The following KCNIP4 variants were observed in gnomAD, a reference collection of about 807,000 sequenced individuals.
KCNIP4 encodes potassium voltage-gated channel interacting protein 4.
A neutral mutation model predicts 34.0 loss-of-function variants in KCNIP4; 12 were observed. The observed-to-expected ratio is 0.35, with a 90% confidence interval of 0.23 to 0.57. The LOEUF (loss-of-function observed/expected upper bound fraction) is 0.57. Ranked by LOEUF, KCNIP4 falls within the 20% of genes least tolerant of loss-of-function variation. The pLI, the probability that KCNIP4 is intolerant of heterozygous loss-of-function variation, is 0.83. For missense variants in KCNIP4, 238 were observed against 311.7 expected (o/e 0.76, Z 1.78); for synonymous variants, 124 against 102.2 (o/e 1.21, Z -1.29).
At chr4:21,897,598 A>G (rs1171866740) in intron 1 of KCNIP4, among the ~76,000 whole-genome samples, 1 of 152,190 alleles carries the variant, frequency 6.6e-6, no homozygotes, top group East Asian at 1.9e-4. Flanking sequence ...GGGCAAGAAA[A>G]CTTTAAAAAA....
In KCNIP4 at chr4:20,998,140, G is replaced by T. The variant is rs112442553; in HGVS notation, c.62-115431C>A. 7.9e-5 allele frequency among the ~76,000 whole-genome samples: 12 copies of T among 152,268 alleles called. 2 individuals are homozygous for T. The highest frequency in any genetic ancestry group is 2.6e-4 in the African/African-American group (11 of 41,578). On this transcript the variant is annotated intron_variant, in intron 1 of 8. Transcript: ENST00000382152. ...GGAAGAGAGATAGAAAGAGAAAAGA[G>T]CAAATAATCAACCTTCCAGAAGAAA...
chr4:21,631,024 T>C (rs1745729192), intron 1 of KCNIP4, among the ~76,000 whole-genome samples: 1 of 152,186 alleles, frequency 6.6e-6, no homozygotes, highest in African/African-American at 2.4e-5. Flanking sequence ...ACTTTCTACA[T>C]AGTGTTATTC....
chr4:20,968,627 G>T (rs971886243), intron 1 of KCNIP4, among the ~76,000 whole-genome samples: 4 of 152,058 alleles, frequency 2.6e-5, no homozygotes, highest in Admixed American at 6.6e-5. Context: ...GTCCTTTGCA[G>T]GGACATGGAT....
At chr4:21,071,863 A>T (rs1464547885) in intron 1 of KCNIP4, among the ~76,000 whole-genome samples, 1 of 152,028 alleles carries the variant, frequency 6.6e-6, no homozygotes, top group East Asian at 1.9e-4. Flanking sequence ...TCATTGTTCA[A>T]TTCCCATCTA....
At chr4:21,000,071 G>T (rs951021649) in intron 1 of KCNIP4, among the ~76,000 whole-genome samples, 3 of 152,146 alleles carry the variant, frequency 2.0e-5, no homozygotes, top group African/African-American at 7.2e-5. Flanking sequence ...CTGCAGTGTA[G>T]ACCCTTCCTA....
At chr4:21,852,268 T>G (rs1030192153) in intron 1 of KCNIP4, 1 of 152,138 alleles carries the variant, frequency 6.6e-6, no homozygotes, top group Non-Finnish European at 1.5e-5. Context: ...GAATGCTTTT[T>G]ATAAGCTTTG....
intron 1 of KCNIP4, among the ~76,000 whole-genome samples, chr4:21,913,657 C>T (rs1728467434): frequency 6.6e-6 from 1 of 152,136 alleles, no homozygotes; most frequent in Admixed American, 6.5e-5. Flanking sequence ...AAAATCCTTG[C>T]TATGACAAAG....
intron 1 of KCNIP4, among the ~76,000 whole-genome samples, chr4:20,885,853 G>A (rs1363989876): frequency 6.6e-6 from 1 of 152,066 alleles, no homozygotes; most frequent in Non-Finnish European, 1.5e-5. Flanking sequence ...CTTTTCACAT[G>A]CTATTATCTG....
rs577645312 is a variant in KCNIP4 at position 21,346,084 on chromosome 4, G to A, written c.62-463375C>T. ...CGGGCAGTGTAATATATATATTTAAGATATTTAAGATATCTTAAATATATA... is the reference window on the plus strand; with the variant it reads ...CGGGCAGTGTAATATATATATTTAAAATATTTAAGATATCTTAAATATATA... On this transcript the variant is annotated intron_variant, in intron 1 of 8. Transcript: ENST00000382152. 3.6e-3 allele frequency among the ~76,000 whole-genome samples: 445 copies of A among 122,538 alleles called. 9 individuals carry two copies. The highest frequency in any genetic ancestry group is 0.013 in the African/African-American group (412 of 32,614). 80.4% of individuals were successfully genotyped at this position (122,538 alleles called of 152,430 possible).
At chr4:21,424,177 A>G (rs1362305858) in intron 1 of KCNIP4, among the ~76,000 whole-genome samples, 1 of 151,986 alleles carries the variant, frequency 6.6e-6, no homozygotes, top group Non-Finnish European at 1.5e-5. Flanking sequence ...GAGGATGGGT[A>G]AAGGGATGCA....
At chr4:21,207,221 G>A (rs1397625264) in intron 1 of KCNIP4, among the ~76,000 whole-genome samples, 1 of 152,080 alleles carries the variant, frequency 6.6e-6, no homozygotes, top group Non-Finnish European at 1.5e-5. Context: ...TTAGAAAAAG[G>A]ATATTTTAAA....
intron 1 of KCNIP4, among the ~76,000 whole-genome samples, chr4:21,207,156 T>C (rs992512103): frequency 6.6e-6 from 1 of 152,150 alleles, no homozygotes; most frequent in Non-Finnish European, 1.5e-5. Flanking sequence ...GAATTCTCTG[T>C]GTTTCTGAAT....
At chr4:20,968,606 G>T (rs1285141531) in intron 1 of KCNIP4, among the ~76,000 whole-genome samples, 1 of 152,078 alleles carries the variant, frequency 6.6e-6, no homozygotes, top group Non-Finnish European at 1.5e-5. Context: ...CATAAAAAAG[G>T]ATGAGTTCAT....
chr4:20,736,054 T>C (rs567716567), intron 5 of KCNIP4, among the ~76,000 whole-genome samples: 3 of 152,326 alleles, frequency 2.0e-5, no homozygotes, highest in East Asian at 3.9e-4. Flanking sequence ...AACATCCATA[T>C]AGTTCAACAT....
intron 1 of KCNIP4, among the ~76,000 whole-genome samples, chr4:21,234,433 T>C (rs1215241878): frequency 7.6e-6 from 1 of 131,126 alleles, no homozygotes; most frequent in Non-Finnish European, 1.5e-5. Context: ...ATATTACATA[T>C]AACGTATATA....
At chr4:21,886,676 G>C (rs1296455424) in intron 1 of KCNIP4, among the ~76,000 whole-genome samples, 1 of 152,088 alleles carries the variant, frequency 6.6e-6, no homozygotes, top group South Asian at 2.1e-4. Context: ...CTTACCAAGA[G>C]ATGTGACATT....
intron 1 of KCNIP4, among the ~76,000 whole-genome samples, chr4:21,840,512 A>G (rs1434913387): frequency 2.6e-5 from 4 of 152,132 alleles, no homozygotes; most frequent in Non-Finnish European, 5.9e-5. Context: ...ATGGCTCAAG[A>G]TGGTGCACAT....
chr4:21,472,837 C>T (rs774091709), intron 1 of KCNIP4, among the ~76,000 whole-genome samples: 1 of 152,116 alleles, frequency 6.6e-6, no homozygotes, highest in Non-Finnish European at 1.5e-5. Context: ...TTAAAAATCC[C>T]TATATTCTAA....
In KCNIP4 at chr4:20,912,946, C is replaced by A. The variant is rs547932935; in HGVS notation, c.62-30237G>T. ...CTGCTGGTGAGAATGGAAAATGGTG[C>A]GGCCTTTTTTGAAAACATTTTGGAA... is the stretch of plus-strand genomic sequence containing the variant. On this transcript the variant is annotated intron_variant, in intron 1 of 8. Coordinates refer to ENST00000382152, the MANE Select transcript of KCNIP4 (RefSeq NM_025221.6). Among the ~76,000 whole-genome samples, 87 of 152,164 alleles carry A rather than the reference C, an allele frequency of 5.7e-4. 2 individuals are homozygous for A. The South Asian group carries it at 0.017, about 30-fold the overall frequency.
Sources: allele counts gnomAD v4.1 joint callset (sites outside exome capture counted in the v4.1 genomes callset), GRCh38; gene constraint gnomAD v4.1.1; transcripts MANE v1.5; gene names NCBI Gene and HGNC (gene_info 2026-07-23, HGNC 2026-07-21).